CARNS1: variants seen among roughly 807,000 people sequenced by gnomAD.
CARNS1 encodes the protein ATP-grasp domain containing 1.
Under a neutral mutation model 74.0 loss-of-function variants are expected in CARNS1, and 61 were observed. That is an observed-to-expected ratio of 0.82 (90% CI 0.67 to 1.02). CARNS1 has a LOEUF of 1.02. Among genes scored for constraint, CARNS1 ranks in the 50% least tolerant of loss-of-function variants. The probability of loss-of-function intolerance (pLI) is 0.00; values close to 1 mark genes in which losing one functional copy is unlikely to be tolerated. For synonymous variants in CARNS1, 568 were observed against 605.5 expected, an observed-to-expected ratio of 0.94 and a Z score of 0.91; for missense variants, 1,278 against 1,308.4, an observed-to-expected ratio of 0.98 and a Z score of 0.36.
Position 67,419,744 on chromosome 11 carries a change from T to C in CARNS1, c.1028-9T>C. On this transcript the variant is annotated splice_polypyrimidine_tract_variant and intron_variant, in intron 6 of 9. Transcript: ENST00000687366. ...TGTGCTGGCCTTAGACCTCCCCGTC[T>C]TCCCCCAGATGGTCCTTCACCCGGC... The C allele has an allele frequency of 1.2e-6, 2 of 1,601,808 alleles. No homozygotes were observed. The highest frequency in any genetic ancestry group is 1.7e-6 in the Non-Finnish European group (2 of 1,174,716).
In CARNS1 at chr11:67,420,697, G is replaced by A. The variant is rs780712620; in HGVS notation, c.1202G>A (p.Gly401Asp). Residue 401 changes from glycine to aspartate, a missense_variant, in exon 8 of 10, where the codon GGC becomes GAC. Gly to Asp is a moderately conservative substitution (Grantham distance 94). Around this residue, in one of 3 missense-constraint regions of CARNS1, gnomAD observed 1,164 missense variants for 1,156.5 expected, o/e 1.01. Transcript: ENST00000687366. ...RTLEVALAQC[G>D]LGEEAQVAAV... ...CTGGAGGTGGCGCTGGCCCAGTGCGGCCTGGGCGAGGAGGCGCAGGTGGCG... is the reference window on the plus strand; with the variant it reads ...CTGGAGGTGGCGCTGGCCCAGTGCGACCTGGGCGAGGAGGCGCAGGTGGCG... 7.9e-7 allele frequency: 1 copy of A among 1,266,772 alleles called. No homozygotes were observed. Among genetic ancestry groups the A allele is most frequent in the Non-Finnish European group, 9.9e-7 (1 of 1,008,792 alleles). 78.5% of individuals were successfully genotyped at this position (1,266,772 alleles called of 1,614,324 possible). A position where few individuals can be genotyped will look rare whatever the true frequency, so the allele number is the denominator to read the frequency against.
In CARNS1 at chr11:67,419,096, C is replaced by T; in HGVS notation, c.705C>T (p.Thr235=). 1.3e-6 allele frequency: 2 copies of T among 1,568,380 alleles called. No homozygotes were observed. The highest frequency in any genetic ancestry group is 1.7e-6 in the Non-Finnish European group (2 of 1,156,562). Residue 235 remains threonine, a synonymous_variant, in exon 5 of 10, where the codon ACC becomes ACT. Coordinates refer to ENST00000687366, the MANE Select transcript of CARNS1 (RefSeq NM_001166222.2). ...CTGTGCCAGCAACCCTGGCTTTCAC[C>T]TACAAGCCGCCGGGGCTGCTGCGGG... ...GVAVPATLAF[T]YKPPGLLRGG...
chr11:67,415,980 G>C (rs1381954213), intron 1 of CARNS1, 196 bp from the exon 2 acceptor site: 4 of 581,886 alleles, frequency 6.9e-6, no homozygotes, highest in African/African-American at 1.9e-5. Context: ...GAGCCGCACT[G>C]GGGCAGGAGC....
rs776088513 is a variant in CARNS1, at chr11:67,418,891, T to TC, written c.506dup (p.Arg170AlafsTer26). 5.6e-6 allele frequency: 9 copies of TC among 1,597,802 alleles called. No individual in the cohort carries two copies. Among genetic ancestry groups the TC allele is most frequent in the South Asian group, 1.1e-5 (1 of 88,634 alleles). ...GGCCTGACATTCCTGGATGACTTTG[T>TC]CCCCCCGCGCCGTGCCACCTACTTT... is the stretch of plus-strand genomic sequence containing the variant. On this transcript the variant is annotated frameshift_variant, in exon 5 of 10. Coordinates refer to ENST00000687366, the MANE Select transcript of CARNS1 (RefSeq NM_001166222.2). LOFTEE classifies it high-confidence loss of function.
At chr11:67,419,265 T>C in intron 5 of CARNS1, 22 bp downstream of exon 5, 1 of 1,469,644 alleles carries the variant, frequency 6.8e-7, no homozygotes, top group Non-Finnish European at 9.0e-7. Context: ...TCGCCCACCC[T>C]GAGGTCTGTA....
rs1201860409 is a variant in CARNS1, at chr11:67,417,661, C to T, written c.258C>T (p.Gly86=). 5 of 1,265,826 alleles carry T rather than the reference C, an allele frequency of 3.9e-6. No individual in the cohort carries two copies. The Admixed American group carries it at 1.3e-4, about 32-fold the overall frequency. The allele number at this position is 1,265,826 out of a possible 1,614,324, so 78.4% of individuals were successfully genotyped here. The change falls in exon 3 of 10, where the codon GGC becomes GGT. Residue 86 remains glycine, a synonymous_variant. Coordinates refer to ENST00000687366, the MANE Select transcript of CARNS1 (RefSeq NM_001166222.2). ...GCCTTCCGGAGACTCAGGACCGCGGCCAGGTGCCCCGCACAGGTGCCCAAG... is the reference window on the plus strand; with the variant it reads ...GCCTTCCGGAGACTCAGGACCGCGGTCAGGTGCCCCGCACAGGTGCCCAAG... ...QAGLPETQDR[G]QVPRTGCPGA... is the part of the protein sequence containing the mutation.
intron 3 of CARNS1, among the ~76,000 whole-genome samples, chr11:67,418,052 C>G (rs575997539): frequency 2.0e-5 from 3 of 152,298 alleles, no homozygotes; most frequent in African/African-American, 7.2e-5. Context: ...TTACATATAT[C>G]AGACTTTGTG....
At position 67,424,410 on chromosome 11, in the gene CARNS1, C is replaced by G. The variant is rs759405649; in HGVS notation, c.2662C>G (p.Arg888Gly). The G allele has an allele frequency of 1.3e-6, 2 of 1,589,698 alleles. No homozygotes were observed. The highest frequency in any genetic ancestry group is 8.6e-7 in the Non-Finnish European group (1 of 1,168,576). The change falls in exon 10 of 10, where the codon CGT (arginine) becomes GGT (glycine). Residue 888 changes from arginine to glycine, a missense_variant. Arg to Gly is a moderately radical substitution (Grantham distance 125). Coordinates refer to ENST00000687366, the MANE Select transcript of CARNS1 (RefSeq NM_001166222.2). ...TGAGACCCTGCAGGCCCTGCACGAC[C>G]GTGGACTGCTACGCCTCAATCTGCT... is the stretch of plus-strand genomic sequence containing the variant. ...SRETLQALHD[R>G]GLLRLNLLEE...
Position 67,418,927 on chromosome 11 carries a change from T to TGGGCCTG in CARNS1, c.545_551dup (p.Arg185AlafsTer13), listed in dbSNP as rs764338918. On this transcript the variant is annotated frameshift_variant, in exon 5 of 10. Transcript: ENST00000687366. LOFTEE classifies it high-confidence loss of function. Reference sequence around the variant, plus strand: ...CGTGCCACCTACTTTTTGGCAGGCCTGGGCCTGGGGCCTGGCCGGGGCCGA... The same window carrying TGGGCCTG: ...CGTGCCACCTACTTTTTGGCAGGCCTGGGCCTGGGGCCTGGGGCCTGGCCGGGGCCGA... 4.4e-6 allele frequency: 7 copies of TGGGCCTG among 1,585,214 alleles called. No homozygotes were observed. Among genetic ancestry groups the TGGGCCTG allele is most frequent in the Non-Finnish European group, 6.0e-6 (7 of 1,165,718 alleles).
chr11:67,417,192 G>A, intron 2 of CARNS1: 2 of 1,222,460 alleles, frequency 1.6e-6, no homozygotes, highest in Non-Finnish European at 2.0e-6. Flanking sequence ...CTCCCCCCAG[G>A]GGCACCACAC....
At position 67,425,193 on chromosome 11, in the gene CARNS1, C is replaced by T. The variant is rs1343873276; in HGVS notation, c.*592C>T. ...CCTCTTTCTGCTCACCCCAGGCAGACACAACTGCCTATGTTCCCCCGATGA... is the reference window on the plus strand; with the variant it reads ...CCTCTTTCTGCTCACCCCAGGCAGATACAACTGCCTATGTTCCCCCGATGA... On this transcript the variant is annotated 3_prime_UTR_variant, in exon 10 of 10. Coordinates refer to ENST00000687366, the MANE Select transcript of CARNS1 (RefSeq NM_001166222.2). 1 of 405,700 alleles carries T rather than the reference C, an allele frequency of 2.5e-6. No individual in the cohort carries two copies. Among genetic ancestry groups the T allele is most frequent in the South Asian group, 1.8e-5 (1 of 56,940 alleles). The allele number at this position is 405,700 out of a possible 1,614,324, so 25.1% of individuals were successfully genotyped here.
chr11:67,416,753 G>T, intron 2 of CARNS1: 1 of 986,260 alleles, frequency 1.0e-6, no homozygotes, highest in South Asian at 4.7e-5. Flanking sequence ...CCATATTGGG[G>T]GGGCGCCAGC....
Position 67,425,281 on chromosome 11 carries a change from T to C in CARNS1, c.*680T>C, listed in dbSNP as rs2135104715. On this transcript the variant is annotated 3_prime_UTR_variant, in exon 10 of 10. Coordinates refer to ENST00000687366, the MANE Select transcript of CARNS1 (RefSeq NM_001166222.2). The stretch of plus-strand genomic sequence containing the variant: ...GGATTATACCACAGTGGAGAGCGGG[T>C]CACAGGACATGATGCAGGGTCCAGG... 1 of 353,132 alleles carries C rather than the reference T, an allele frequency of 2.8e-6. No individual in the cohort carries two copies. Among genetic ancestry groups the C allele is most frequent in the Non-Finnish European group, 5.6e-6 (1 of 178,668 alleles). The allele number at this position is 353,132 out of a possible 1,614,324, so 21.9% of individuals were successfully genotyped here. A position where few individuals can be genotyped will look rare whatever the true frequency, so the allele number is the denominator to read the frequency against.
Position 67,417,506 on chromosome 11 carries a change from A to C in CARNS1, c.103A>C (p.Thr35Pro), listed in dbSNP as rs1863574214. ...PWGGGSGLPP[T>P]GCFPGSWRQD... ...GGGAGGGGGCTCTGGCCTGCCGCCCACAGGCTGCTTCCCTGGCTCCTGGCG... is the reference window on the plus strand; with the variant it reads ...GGGAGGGGGCTCTGGCCTGCCGCCCCCAGGCTGCTTCCCTGGCTCCTGGCG... The change falls in exon 3 of 10, where the codon ACA (threonine) becomes CCA (proline). Residue 35 changes from threonine to proline, a missense_variant. Physicochemically the swap from Thr to Pro is conservative, Grantham distance 38 (BLOSUM62 -1). This residue lies in a region of CARNS1 where 104 missense variants were observed against 127.3 expected (regional missense o/e 0.82). Transcript: ENST00000687366. The C allele has an allele frequency of 1.4e-6, 2 of 1,439,024 alleles. No individual in the cohort carries two copies. The allele number at this position is 1,439,024 out of a possible 1,614,324, so 89.1% of individuals were successfully genotyped here.
At position 67,421,270 on chromosome 11, in the gene CARNS1, G is replaced by A. The variant is rs1050979262; in HGVS notation, c.1626+51G>A. The A allele has an allele frequency of 2.9e-6, 4 of 1,399,940 alleles. No homozygotes were observed. In the African/African-American group the frequency reaches 4.6e-5, roughly 16 times the overall value. 86.7% of individuals were successfully genotyped at this position (1,399,940 alleles called of 1,614,324 possible). A position where few individuals can be genotyped will look rare whatever the true frequency, so the allele number is the denominator to read the frequency against. ...GGCCCCAGGTCCTGGCCCGAGTGGT[G>A]GAGGCGGGACCCCGGGGCGGGGCCT... On this transcript the variant is annotated intron_variant, in intron 9 of 9. Transcript: ENST00000687366.
In CARNS1 at chr11:67,418,804, C is replaced by G; in HGVS notation, c.413C>G (p.Ala138Gly). The change falls in exon 5 of 10, where the codon GCA becomes GGA. Residue 138 changes from alanine to glycine, a missense_variant. Ala to Gly is a moderately conservative substitution (Grantham distance 60). Transcript: ENST00000687366. ...LSPAWLMKVP[A>G]PGQPGEAALL... ...CCTGCTTGGCTGATGAAGGTGCCAG[C>G]ACCCGGGCAGCCGGGTGAGGCAGCC... 1 of 1,600,500 alleles carries G rather than the reference C, an allele frequency of 6.2e-7. No homozygotes were observed. Among genetic ancestry groups the G allele is most frequent in the South Asian group, 1.1e-5 (1 of 89,006 alleles).
chr11:67,420,992 G>A lies in CARNS1; in HGVS notation c.1399G>A (p.Glu467Lys). The A allele has an allele frequency of 1.4e-6, 2 of 1,424,824 alleles. No individual in the cohort carries two copies. Among genetic ancestry groups the A allele is most frequent in the South Asian group, 1.4e-5 (1 of 72,294 alleles). The allele number at this position is 1,424,824 out of a possible 1,614,324, so 88.3% of individuals were successfully genotyped here. A position where few individuals can be genotyped will look rare whatever the true frequency, so the allele number is the denominator to read the frequency against. The change falls in exon 9 of 10, where the codon GAG becomes AAG. Residue 467 changes from glutamate to lysine, a missense_variant. Glu to Lys is a moderately conservative substitution (Grantham distance 56). Transcript: ENST00000687366. The stretch of plus-strand genomic sequence containing the variant: ...CGGCGTGCTGACCCCAGTGGCCCTG[G>A]AGCTGAACGGCGGCCTGTGTCTGGA... ...AGGVLTPVAL[E>K]LNGGLCLEAC...
Position 67,424,101 on chromosome 11 carries a change from C to T in CARNS1, c.2353C>T (p.Arg785Cys), listed in dbSNP as rs200939791. The T allele has an allele frequency of 1.1e-3, 1,798 of 1,613,748 alleles. 3 individuals carry two copies. In the Middle Eastern group the frequency reaches 0.012, roughly 11 times the overall value. The part of the protein sequence containing the change: ...QEAQMVQAAF[R>C]CCLGCGLLDG... Reference sequence around the variant, plus strand: ...GGCACAGATGGTTCAGGCAGCCTTCCGCTGTTGCCTGGGCTGCGGGTTGCT... The same window carrying T: ...GGCACAGATGGTTCAGGCAGCCTTCTGCTGTTGCCTGGGCTGCGGGTTGCT... Residue 785 changes from arginine (R) to cysteine (C), a missense_variant, in exon 10 of 10, where the codon CGC becomes TGC. Arg to Cys is a radical substitution (Grantham distance 180). Transcript: ENST00000687366.
In CARNS1 at chr11:67,416,177, C is replaced by T. The variant is rs1412364999; in HGVS notation, c.-23C>T. On this transcript the variant is annotated splice_region_variant and 5_prime_UTR_variant, in exon 2 of 10. Coordinates refer to ENST00000687366, the MANE Select transcript of CARNS1 (RefSeq NM_001166222.2). The stretch of plus-strand genomic sequence containing the variant: ...CTGTCCCTCTGTCTCTGCCATCAGT[C>T]TCTCAGCCACTCCACCCACGAGATG... The T allele has an allele frequency of 2.7e-6, 4 of 1,502,168 alleles. No individual in the cohort carries two copies. In the East Asian group the frequency reaches 7.4e-5, roughly 28 times the overall value. The allele number at this position is 1,502,168 out of a possible 1,614,324, so 93.1% of individuals were successfully genotyped here.
Sources: allele counts gnomAD v4.1 joint callset (sites outside exome capture counted in the v4.1 genomes callset), GRCh38; gene constraint gnomAD v4.1.1; regional missense constraint gnomAD v4.1.1; transcripts MANE v1.5; gene names NCBI Gene and HGNC (gene_info 2026-07-23, HGNC 2026-07-21).